FRY: variants seen among roughly 807,000 people sequenced by gnomAD.
FRY encodes the protein protein furry homolog.
A neutral mutation model predicts 348.4 loss-of-function variants in FRY; 128 were observed. The ratio of observed to expected loss-of-function variants is 0.37; its 90% CI spans 0.32 to 0.43. The LOEUF (loss-of-function observed/expected upper bound fraction) is 0.43, where lower values mean the gene tolerates loss of function less well. Among genes scored for constraint, FRY ranks in the 20% least tolerant of loss-of-function variants. The pLI is 1.00. For missense variants in FRY, 2,736 were observed against 3,695.2 expected (o/e 0.74, Z 6.73); for synonymous variants, 1,370 against 1,374.7 (o/e 1.00, Z 0.08).
chr13:32,209,895 G>GC (rs1416196325), intron 33 of FRY, among the ~76,000 whole-genome samples, 164 bp downstream of exon 33: 1 of 152,134 alleles, frequency 6.6e-6, no homozygotes, highest in Non-Finnish European at 1.5e-5. Context: ...GTTCCCTTCT[G>GC]CCCCCTAGAC....
rs762149579 is a variant in FRY, at chr13:32,294,478, C to T, written c.8691C>T (p.Thr2897=). The T allele has an allele frequency of 1.2e-6, 2 of 1,611,148 alleles. No homozygotes were observed. The highest frequency in any genetic ancestry group is 1.7e-6 in the Non-Finnish European group (2 of 1,178,236). Reference sequence around the variant, plus strand: ...CAGACGGCGCGTGGTCCGAGCCCACCTTCACGTCCACTGAAGCAGCCATCC... The same window carrying T: ...CAGACGGCGCGTGGTCCGAGCCCACTTTCACGTCCACTGAAGCAGCCATCC... ...LYSDGAWSEP[T]FTSTEAAIQS... is the part of the protein sequence containing the mutation. Residue 2897 remains threonine (T), a synonymous_variant, in exon 60 of 61, where the codon ACC becomes ACT. Transcript: ENST00000542859.
At chr13:32,054,647 G>A (rs543872882) in intron 1 of FRY, among the ~76,000 whole-genome samples, 1 of 152,264 alleles carries the variant, frequency 6.6e-6, no homozygotes, top group Admixed American at 6.5e-5. Context: ...GCCGAGGCAG[G>A]CGGATCACAA....
chr13:32,264,972 C>T (rs182865995), intron 53 of FRY, among the ~76,000 whole-genome samples: 6 of 152,330 alleles, frequency 3.9e-5, no homozygotes, highest in Admixed American at 3.9e-4. Flanking sequence ...AGAATTAACT[C>T]TGGATAGGCT....
rs1031977544 is a variant in FRY, at chr13:32,194,170, G to T, written c.3619G>T (p.Val1207Phe). 3.1e-6 allele frequency: 5 copies of T among 1,613,934 alleles called. No individual in the cohort carries two copies. The African/African-American group carries it at 6.7e-5, about 22-fold the overall frequency. ...RVHQLGCEVV[V>F]LLLELNPDQI... ...TCATCAACTTGGCTGCGAAGTTGTT[G>T]TCTTGCTACTGGAACTTAATCCTGA... Residue 1207 changes from valine to phenylalanine, a missense_variant, in exon 29 of 61, where the codon GTC becomes TTC. By Grantham distance (50) the Val-to-Phe change is conservative. Transcript: ENST00000542859.
chr13:32,200,908 A>T (rs1883981729), intron 29 of FRY, among the ~76,000 whole-genome samples: 1 of 151,918 alleles, frequency 6.6e-6, no homozygotes, highest in African/African-American at 2.4e-5. Context: ...TCCAGCCCTC[A>T]TCAGTTCCCA....
intron 31 of FRY, among the ~76,000 whole-genome samples, chr13:32,203,207 G>A (rs577776390): frequency 6.6e-5 from 10 of 152,158 alleles, no homozygotes; most frequent in Admixed American, 1.3e-4. Context: ...AATATGAACA[G>A]TGTAATTTAT....
chr13:32,037,978 T>G (rs1872602787), intron 1 of FRY, among the ~76,000 whole-genome samples: 1 of 152,230 alleles, frequency 6.6e-6, no homozygotes, highest in South Asian at 2.1e-4. Flanking sequence ...TATAAGCTTT[T>G]TATGCAGGTT....
rs550257091 is a variant in FRY, at chr13:32,279,240, C to T, written c.8469+692C>T. On this transcript the variant is annotated intron_variant, in intron 58 of 60. Coordinates refer to ENST00000542859, the MANE Select transcript of FRY (RefSeq NM_023037.3). ...GATCACAGAGCAAGGCTGCCTGATC[C>T]GATGGGGAGGGCGGCTCTGGGAAGG... Among the ~76,000 whole-genome samples, 5 of 152,264 alleles carry T rather than the reference C, an allele frequency of 3.3e-5. No individual in the cohort carries two copies. In the South Asian group the frequency reaches 1.0e-3, roughly 32 times the overall value.
chr13:32,031,828 G>C lies in FRY; in HGVS notation c.33G>C (p.Glu11Asp). ...GCCAGCAGGATTCGGGCTTCTTTGAGATCAGTATCAAATATTTACTGAAAT... is the reference window on the plus strand; with the variant it reads ...GCCAGCAGGATTCGGGCTTCTTTGACATCAGTATCAAATATTTACTGAAAT... Reference protein sequence around the residue: MASQQDSGFFEISIKYLLKSW... With the variant: MASQQDSGFFDISIKYLLKSW... Residue 11 changes from glutamate to aspartate, a missense_variant, in exon 1 of 61, where the codon GAG becomes GAC. Around this residue, in one of 9 missense-constraint regions of FRY, gnomAD observed 309 missense variants for 418.1 expected, o/e 0.74. Coordinates refer to ENST00000542859, the MANE Select transcript of FRY (RefSeq NM_023037.3). 6.2e-7 allele frequency: 1 copy of C among 1,605,256 alleles called. No homozygotes were observed. The highest frequency in any genetic ancestry group is 2.2e-5 in the East Asian group (1 of 44,858).
chr13:32,114,538 CCATT>C (rs1878178594), intron 3 of FRY, among the ~76,000 whole-genome samples: 2 of 152,134 alleles, frequency 1.3e-5, no homozygotes, highest in Admixed American at 6.6e-5. Context: ...TTCCAAGATA[CCATT>C]CAGCATACCA....
intron 31 of FRY, among the ~76,000 whole-genome samples, chr13:32,205,634 T>C (rs1007353963): frequency 2.0e-5 from 3 of 152,134 alleles, no homozygotes; most frequent in Admixed American, 6.5e-5. Flanking sequence ...CCAGCAATCT[T>C]CCATATGTGC....
At position 32,249,652 on chromosome 13, in the gene FRY, G is replaced by C. The variant is rs1168997790; in HGVS notation, c.7135G>C (p.Val2379Leu). Reference protein sequence around the residue: ...TSSGSNSNVLVPVSWKRPQYS... With the variant: ...TSSGSNSNVLLPVSWKRPQYS... ...CTCAGGCTCCAACTCCAACGTCCTT[G>C]TTCCAGTGAGCTGGAAAAGGCCCCA... Residue 2379 changes from valine (V) to leucine (L), a missense_variant, in exon 49 of 61, where the codon GTT becomes CTT. Physicochemically the swap from Val to Leu is conservative, Grantham distance 32. Coordinates refer to ENST00000542859, the MANE Select transcript of FRY (RefSeq NM_023037.3). 2 of 1,614,158 alleles carry C rather than the reference G, an allele frequency of 1.2e-6. No homozygotes were observed. The highest frequency in any genetic ancestry group is 2.2e-5 in the East Asian group (1 of 44,872).
At position 32,234,570 on chromosome 13, in the gene FRY, C is replaced by G; in HGVS notation, c.5528-4C>G. 1 of 1,613,562 alleles carries G rather than the reference C, an allele frequency of 6.2e-7. No individual in the cohort carries two copies. Among genetic ancestry groups the G allele is most frequent in the Non-Finnish European group, 8.5e-7 (1 of 1,179,780 alleles). ...GACCTATTCTGTGGCTCTTGTTACCCTAGGCTTCCATCTGGAGCACCAGTT... is the reference window on the plus strand; with the variant it reads ...GACCTATTCTGTGGCTCTTGTTACCGTAGGCTTCCATCTGGAGCACCAGTT... On this transcript the variant is annotated splice_polypyrimidine_tract_variant and splice_region_variant and intron_variant, in intron 41 of 60. Coordinates refer to ENST00000542859, the MANE Select transcript of FRY (RefSeq NM_023037.3).
chr13:32,238,624 G>T (rs752144297), intron 44 of FRY, among the ~76,000 whole-genome samples: 2 of 151,994 alleles, frequency 1.3e-5, no homozygotes, highest in Non-Finnish European at 2.9e-5. Flanking sequence ...GCTAAGTTTT[G>T]TATTTTTAGT....
chr13:32,187,168 G>A (rs1042481066), intron 27 of FRY, among the ~76,000 whole-genome samples: 2 of 152,088 alleles, frequency 1.3e-5, no homozygotes, highest in Admixed American at 6.6e-5. Flanking sequence ...TGTCGTAAAA[G>A]CAAAATTCGA....
At position 32,237,465 on chromosome 13, in the gene FRY, C is replaced by T; in HGVS notation, c.5897C>T (p.Thr1966Ile). The T allele has an allele frequency of 1.2e-6, 2 of 1,614,108 alleles. No individual in the cohort carries two copies. Among genetic ancestry groups the T allele is most frequent in the South Asian group, 2.2e-5 (2 of 91,086 alleles). The change falls in exon 44 of 61, where the codon ACC becomes ATC. Residue 1966 changes from threonine to isoleucine, a missense_variant. By Grantham distance (89) the Thr-to-Ile change is moderately conservative. Transcript: ENST00000542859. This position sits in a 1 kb window ranked among gnomAD's most constrained non-coding sequence, Gnocchi z 6.3. ...CAACTAAACATGAACCCGGGAACCACCAGCGGCAACACCGCAACTGCCGAA... is the reference window on the plus strand; with the variant it reads ...CAACTAAACATGAACCCGGGAACCATCAGCGGCAACACCGCAACTGCCGAA... ...TGQLNMNPGT[T>I]SGNTATAERS...
chr13:32,208,667 A>C (rs898347279), intron 31 of FRY, among the ~76,000 whole-genome samples, 186 bp from the exon 32 acceptor site: 1 of 152,224 alleles, frequency 6.6e-6, no homozygotes, highest in African/African-American at 2.4e-5. Flanking sequence ...ACAGCGCACC[A>C]GATGTGGAGC....
chr13:32,250,448 G>T (rs781298548), intron 49 of FRY, among the ~76,000 whole-genome samples: 1 of 152,176 alleles, frequency 6.6e-6, no homozygotes, highest in Non-Finnish European at 1.5e-5. Context: ...CTTGGCCCTT[G>T]TTTTCCCCTC....
chr13:32,091,802 T>A (rs1251840230), intron 2 of FRY, among the ~76,000 whole-genome samples: 1 of 152,170 alleles, frequency 6.6e-6, no homozygotes, highest in East Asian at 1.9e-4. Flanking sequence ...CTCAACTGAT[T>A]ATGTGTATCC....
Sources: gnomAD v4.1 joint callset for allele counts (sites outside exome capture counted in the v4.1 genomes callset) on GRCh38, gnomAD v4.1.1 for gene constraint, gnomAD v4.1.1 regional missense constraint, Gnocchi (gnomAD v3.1) non-coding constraint, MANE v1.5 for transcripts, NCBI Gene and HGNC (gene_info 2026-07-23, HGNC 2026-07-21) for gene names.